The following PDGFD variants were observed in gnomAD, a reference collection of about 807,000 sequenced individuals.
PDGFD encodes platelet-derived growth factor D.
A neutral mutation model predicts 44.7 loss-of-function variants in PDGFD; 30 were observed. That is an observed-to-expected ratio of 0.67 (90% CI 0.50 to 0.91). The LOEUF is 0.91. Among genes scored for constraint, PDGFD ranks in the 40% least tolerant of loss-of-function variants. PDGFD has a pLI of 0.00. For missense variants in PDGFD, 445 were observed against 457.8 expected, an observed-to-expected ratio of 0.97 and a Z score of 0.25; for synonymous variants, 173 against 168.4, an observed-to-expected ratio of 1.03 and a Z score of -0.21.
intron 1 of PDGFD, among the ~76,000 whole-genome samples, chr11:104,102,015 G>A (rs1377373708): frequency 4.6e-5 from 7 of 152,038 alleles, no homozygotes; most frequent in South Asian, 4.1e-4. Context: ...ACATAGGCAT[G>A]GGCAAGGACT....
In PDGFD at chr11:104,070,708, G is replaced by C. The variant is rs1860860672; in HGVS notation, c.125-70453C>G. ...ATATTCTGAAAATCACTCCCCATCA[G>C]TTCATAGGCTTTATCCTTATTCTTT... On this transcript the variant is annotated intron_variant, in intron 1 of 6. Coordinates refer to ENST00000393158, the MANE Select transcript of PDGFD (RefSeq NM_025208.5). Among the ~76,000 whole-genome samples, 4 of 151,980 alleles carry C rather than the reference G, an allele frequency of 2.6e-5. No individual in the cohort carries two copies. In the South Asian group the frequency reaches 8.3e-4, roughly 31 times the overall value.
intron 1 of PDGFD, among the ~76,000 whole-genome samples, chr11:104,146,626 C>T (rs987353083): frequency 4.6e-5 from 7 of 152,086 alleles, no homozygotes; most frequent in African/African-American, 1.2e-4. Flanking sequence ...GGCAACAGGA[C>T]CTTGAAAGGG....
chr11:104,037,579 C>T, intron 1 of PDGFD: 1 of 1,614,004 alleles, frequency 6.2e-7, no homozygotes, highest in Non-Finnish European at 8.5e-7. Flanking sequence ...AGTGAATGGG[C>T]ATCCTTTGAA....
rs75504657 is a variant in PDGFD, at chr11:103,978,829, A to T, written c.510+17236T>A. 2.7e-3 allele frequency among the ~76,000 whole-genome samples: 412 copies of T among 152,212 alleles called. 2 individuals are homozygous for T. The highest frequency in any genetic ancestry group is 7.2e-3 in the African/African-American group (300 of 41,552). On this transcript the variant is annotated intron_variant, in intron 3 of 6. Coordinates refer to ENST00000393158, the MANE Select transcript of PDGFD (RefSeq NM_025208.5). The stretch of plus-strand genomic sequence containing the variant: ...TCTAGTGAAAAAACATAAATCCTGT[A>T]AAACAGGTACAGTGAGCTCAATGCT...
chr11:104,100,230 G>A (rs142939015), intron 1 of PDGFD, among the ~76,000 whole-genome samples: 1 of 152,188 alleles, frequency 6.6e-6, no homozygotes, highest in African/African-American at 2.4e-5. Flanking sequence ...ATTGAAATGT[G>A]GATGCCCTGA....
chr11:104,054,218 T>C (rs1336629081), intron 1 of PDGFD, among the ~76,000 whole-genome samples: 1 of 152,224 alleles, frequency 6.6e-6, no homozygotes, highest in Non-Finnish European at 1.5e-5. Flanking sequence ...TCCACATTGC[T>C]GGGAAATAAA....
chr11:104,108,861 C>T (rs932530886), intron 1 of PDGFD, among the ~76,000 whole-genome samples: 5 of 152,110 alleles, frequency 3.3e-5, no homozygotes, highest in Non-Finnish European at 5.9e-5. Flanking sequence ...CCATGGAATA[C>T]TATGCAGCTA....
At chr11:104,046,863 G>T (rs923646297) in intron 1 of PDGFD, among the ~76,000 whole-genome samples, 1 of 146,172 alleles carries the variant, frequency 6.8e-6, no homozygotes, top group African/African-American at 2.5e-5. Flanking sequence ...TCTACATTAG[G>T]TATTTATCCT....
At chr11:103,920,896 C>T (rs1435371713) in intron 6 of PDGFD, among the ~76,000 whole-genome samples, 1 of 152,126 alleles carries the variant, frequency 6.6e-6, no homozygotes, top group Non-Finnish European at 1.5e-5. Flanking sequence ...TTATTCCTTA[C>T]ACAATTTCAT....
At chr11:104,148,073 A>C (rs912848126) in intron 1 of PDGFD, among the ~76,000 whole-genome samples, 2 of 152,198 alleles carry the variant, frequency 1.3e-5, no homozygotes, top group African/African-American at 2.4e-5. Context: ...GAAATTTTGC[A>C]CCTGGCATAA....
chr11:103,953,587 C>T (rs2134330325), intron 3 of PDGFD, among the ~76,000 whole-genome samples: 1 of 152,188 alleles, frequency 6.6e-6, no homozygotes, highest in Admixed American at 6.5e-5. Flanking sequence ...TGTGTGTACA[C>T]ATATTACATA....
intron 1 of PDGFD, among the ~76,000 whole-genome samples, chr11:104,113,313 A>G (rs1861588023): frequency 6.6e-6 from 1 of 152,124 alleles, no homozygotes; most frequent in African/African-American, 2.4e-5. Context: ...ACCTACAGAG[A>G]GCTTACTCTG....
rs568423571 is a variant in PDGFD, at chr11:104,092,091, C to T, written c.124+71713G>A. Among the ~76,000 whole-genome samples, 5 of 152,132 alleles carry T rather than the reference C, an allele frequency of 3.3e-5. No individual in the cohort carries two copies. In the East Asian group the frequency reaches 9.7e-4, roughly 29 times the overall value. On this transcript the variant is annotated intron_variant, in intron 1 of 6. Transcript: ENST00000393158. The stretch of plus-strand genomic sequence containing the variant: ...AACTAAAGCTTTGAGAAAAAAAGGC[C>T]CCTAAGCCATGGCTCAGAGAGCAAG...
In PDGFD at chr11:104,047,233, T is replaced by C. The variant is rs1000525716; in HGVS notation, c.125-46978A>G. Among the ~76,000 whole-genome samples the C allele has an allele frequency of 6.8e-5, 10 of 147,556 alleles. 2 individuals carry two copies. The highest frequency in any genetic ancestry group is 1.5e-4 in the Non-Finnish European group (10 of 66,028). On this transcript the variant is annotated intron_variant, in intron 1 of 6. Coordinates refer to ENST00000393158, the MANE Select transcript of PDGFD (RefSeq NM_025208.5). The stretch of plus-strand genomic sequence containing the variant: ...CATGTATCTTTATACTAGAATAATT[T>C]ATAATTCTTTGGGTATATACCCAGT...
At chr11:104,162,445 C>A (rs189342767) in intron 1 of PDGFD, among the ~76,000 whole-genome samples, 2 of 152,104 alleles carry the variant, frequency 1.3e-5, no homozygotes, top group East Asian at 3.9e-4. Context: ...TGGGCCTAAT[C>A]CTTAAGTGTA....
chr11:104,027,834 T>C (rs554570861), intron 1 of PDGFD, among the ~76,000 whole-genome samples: 1 of 152,208 alleles, frequency 6.6e-6, no homozygotes, highest in African/African-American at 2.4e-5. Flanking sequence ...ATTGAATTGA[T>C]ATTTTCAAAG....
chr11:104,148,132 T>C (rs1212273100), intron 1 of PDGFD, among the ~76,000 whole-genome samples: 1 of 152,182 alleles, frequency 6.6e-6, no homozygotes, highest in Non-Finnish European at 1.5e-5. Flanking sequence ...ACTATAAGTT[T>C]TTTTAACAGA....
At position 104,139,830 on chromosome 11, in the gene PDGFD, G is replaced by T. The variant is rs1173367462; in HGVS notation, c.124+23974C>A. On this transcript the variant is annotated intron_variant, in intron 1 of 6. Coordinates refer to ENST00000393158, the MANE Select transcript of PDGFD (RefSeq NM_025208.5). ...AGGCGGGTGGATCATGAGGTCAGGA[G>T]ATCGAGACCATCCTGGCTAACAAGG... Among the ~76,000 whole-genome samples, 2 of 17,456 alleles carry T rather than the reference G, an allele frequency of 1.1e-4. 1 individual carries two copies. The highest frequency in any genetic ancestry group is 7.3e-3 in the East Asian group (2 of 274). The allele number at this position is 17,456 out of a possible 152,430, so 11.5% of individuals were successfully genotyped here. A position where few individuals can be genotyped will look rare whatever the true frequency, so the allele number is the denominator to read the frequency against.
intron 1 of PDGFD, among the ~76,000 whole-genome samples, chr11:104,050,089 A>G (rs1466218818): frequency 6.6e-6 from 1 of 152,158 alleles, no homozygotes; most frequent in Non-Finnish European, 1.5e-5. Flanking sequence ...GTTATACGTT[A>G]TATGTCCAGT....
Sources: gnomAD v4.1 joint callset for allele counts (sites outside exome capture counted in the v4.1 genomes callset) on GRCh38, gnomAD v4.1.1 for gene constraint, MANE v1.5 for transcripts, NCBI Gene and HGNC (gene_info 2026-07-23, HGNC 2026-07-21) for gene names.